The following PCLO variants were observed in gnomAD, a reference collection of about 807,000 sequenced individuals.
PCLO encodes piccolo presynaptic cytomatrix protein, also known as protein piccolo.
Under a neutral mutation model 427.5 loss-of-function variants are expected in PCLO, and 82 were observed. That is an observed-to-expected ratio of 0.19 (90% CI 0.16 to 0.23). The LOEUF (loss-of-function observed/expected upper bound fraction) is 0.23, where lower values mean the gene tolerates loss of function less well. Among genes scored for constraint, PCLO ranks in the 10% least tolerant of loss-of-function variants. The probability of loss-of-function intolerance (pLI) is 1.00; values close to 1 mark genes in which losing one functional copy is unlikely to be tolerated. For missense variants in PCLO, 6,239 were observed against 6,115.9 expected (o/e 1.02, Z -0.67); for synonymous variants, 2,357 against 2,155.4 (o/e 1.09, Z -2.59).
chr7:82,878,041 A>G (rs1437014235), intron 10 of PCLO, among the ~76,000 whole-genome samples: 1 of 152,168 alleles, frequency 6.6e-6, no homozygotes, highest in East Asian at 1.9e-4. Context: ...TCTGAAAGCA[A>G]ATAATTAAGC....
At chr7:82,872,401 T>C (rs1793258298) in intron 10 of PCLO, among the ~76,000 whole-genome samples, 1 of 151,628 alleles carries the variant, frequency 6.6e-6, no homozygotes, top group African/African-American at 2.4e-5. Flanking sequence ...AAAGCAACAA[T>C]GGGAAACCAT....
intron 3 of PCLO, among the ~76,000 whole-genome samples, chr7:83,038,087 T>TTA (rs200769328): frequency 5.6e-4 from 37 of 66,262 alleles, no homozygotes; most frequent in Non-Finnish European, 7.6e-4. Context: ...ATATATATCT[T>TTA]TATATATATA....
chr7:83,101,966 T>C (rs1176271429), intron 3 of PCLO, among the ~76,000 whole-genome samples: 1 of 152,086 alleles, frequency 6.6e-6, no homozygotes, highest in East Asian at 1.9e-4. Context: ...ACAACATGAT[T>C]TTAATCAAGC....
In PCLO at chr7:82,971,426, ATG is replaced by A. The variant is rs371024798; in HGVS notation, c.3301-4941_3301-4940del. Among the ~76,000 whole-genome samples the A allele has an allele frequency of 2.2e-3, 324 of 150,420 alleles. 3 individuals carry two copies. The highest frequency in any genetic ancestry group is 7.6e-3 in the African/African-American group (315 of 41,254). On this transcript the variant is annotated intron_variant, in intron 3 of 24. Coordinates refer to ENST00000333891, the MANE Select transcript of PCLO (RefSeq NM_033026.6). ...TATGTGTATGTGTGTGTGTATATAT[ATG>A]TGTGTGTGTGTATACATCTGTAATA...
At chr7:83,015,236 T>C (rs1175669255) in intron 3 of PCLO, among the ~76,000 whole-genome samples, 1 of 152,130 alleles carries the variant, frequency 6.6e-6, no homozygotes, top group Non-Finnish European at 1.5e-5. Flanking sequence ...TCCATGAGCC[T>C]GGTGGACATA....
intron 3 of PCLO, among the ~76,000 whole-genome samples, chr7:82,974,706 A>G (rs557787418): frequency 1.6e-4 from 25 of 152,306 alleles, no homozygotes; most frequent in Admixed American, 3.3e-4. Flanking sequence ...TATGTGCGTC[A>G]AGTTAATTTT....
At chr7:83,022,760 T>C (rs578159932) in intron 3 of PCLO, among the ~76,000 whole-genome samples, 2 of 151,386 alleles carry the variant, frequency 1.3e-5, no homozygotes, top group Non-Finnish European at 2.9e-5. Flanking sequence ...TAGAAAAGGT[T>C]ATAGCACATT....
chr7:82,837,220 G>A (rs1347417497), intron 15 of PCLO, among the ~76,000 whole-genome samples: 1 of 152,050 alleles, frequency 6.6e-6, no homozygotes. Flanking sequence ...TTAAGGGAGT[G>A]TATGAGGAAA....
chr7:82,991,948 A>C (rs1459781469), intron 3 of PCLO, among the ~76,000 whole-genome samples: 1 of 152,100 alleles, frequency 6.6e-6, no homozygotes, highest in African/African-American at 2.4e-5. Flanking sequence ...ATTACATGAC[A>C]ATCTATTAGT....
chr7:83,039,117 T>G (rs2116199787), intron 3 of PCLO, among the ~76,000 whole-genome samples: 1 of 152,186 alleles, frequency 6.6e-6, no homozygotes, highest in East Asian at 1.9e-4. Context: ...AATATACAAA[T>G]CCCTTATCAG....
intron 10 of PCLO, among the ~76,000 whole-genome samples, chr7:82,858,571 T>C (rs1792867355): frequency 6.6e-6 from 1 of 152,146 alleles, no homozygotes; most frequent in African/African-American, 2.4e-5. Context: ...TCCACCAAAA[T>C]ACTGTTATAA....
chr7:82,931,894 T>C (rs958823137), intron 6 of PCLO, among the ~76,000 whole-genome samples: 1 of 152,048 alleles, frequency 6.6e-6, no homozygotes, highest in Non-Finnish European at 1.5e-5. Context: ...AGGAACCACA[T>C]AGAAGCTGTC....
intron 16 of PCLO, among the ~76,000 whole-genome samples, chr7:82,834,535 ATG>A (rs1380232351): frequency 2.6e-5 from 4 of 152,228 alleles, no homozygotes; most frequent in Non-Finnish European, 5.9e-5. Flanking sequence ...CGTAGTAAAT[ATG>A]TGAAATTTTA....
chr7:82,954,043 C>A lies in PCLO; in HGVS notation c.6910G>T (p.Ala2304Ser). ...ATTCCATTCCCAGTTTCCTTCTTGG[C>A]TTTCTTCACTGGGTCCTTTTCAGAT... ...LISEKDPVKK[A>S]KKETGNGIIL... Residue 2304 changes from alanine (A) to serine (S), a missense_variant, in exon 5 of 25, where the codon GCC (alanine) becomes TCC (serine). Ala to Ser is a moderately conservative substitution (Grantham distance 99, BLOSUM62 1). This residue lies in a region of PCLO where 4,677 missense variants were observed against 4,468.4 expected (regional missense o/e 1.05). Transcript: ENST00000333891. 1 of 1,613,768 alleles carries A rather than the reference C, an allele frequency of 6.2e-7. No homozygotes were observed. Among genetic ancestry groups the A allele is most frequent in the Non-Finnish European group, 8.5e-7 (1 of 1,179,814 alleles).
At chr7:82,886,772 G>T (rs148519304) in intron 9 of PCLO, among the ~76,000 whole-genome samples, 1 of 152,030 alleles carries the variant, frequency 6.6e-6, no homozygotes, top group Admixed American at 6.6e-5. Context: ...ATCTGGAAGC[G>T]ACAAAAATGT....
rs1238586625 is a variant in PCLO, at chr7:82,950,385, A to T, written c.10203T>A (p.Asp3401Glu). ...GTTGTTTTTCCTCTTTCACAACAACATCTGTTAGAGGTATTTCTGAAACAG... is the reference window on the plus strand; with the variant it reads ...GTTGTTTTTCCTCTTTCACAACAACTTCTGTTAGAGGTATTTCTGAAACAG... ...LSTVSEIPLT[D>E]VVVKEEKQPK... Residue 3401 changes from aspartate (D) to glutamate (E), a missense_variant, in exon 6 of 25, where the codon GAT (aspartate) becomes GAA (glutamate). Around this residue, in one of 5 missense-constraint regions of PCLO, gnomAD observed 4,677 missense variants for 4,468.4 expected, o/e 1.05. Transcript: ENST00000333891. 1 of 1,613,760 alleles carries T rather than the reference A, an allele frequency of 6.2e-7. No individual in the cohort carries two copies. Among genetic ancestry groups the T allele is most frequent in the East Asian group, 2.2e-5 (1 of 44,840 alleles).
At chr7:83,156,619 A>AT (rs1287083160) in intron 1 of PCLO, among the ~76,000 whole-genome samples, 2 of 151,696 alleles carry the variant, frequency 1.3e-5, no homozygotes, top group Admixed American at 1.3e-4. Context: ...AGAAAAAAAA[A>AT]CTTGCTCTTA....
In PCLO at chr7:82,914,674, G is replaced by A. The variant is rs1459999829; in HGVS notation, c.13300+12C>T. On this transcript the variant is annotated intron_variant, in intron 7 of 24. Coordinates refer to ENST00000333891, the MANE Select transcript of PCLO (RefSeq NM_033026.6). ...TTTTGAGAGTAACAGGGTAGTTTGA[G>A]GCCCAATTTACCTTCACTGTCTGAC... 1 of 1,611,968 alleles carries A rather than the reference G, an allele frequency of 6.2e-7. No individual in the cohort carries two copies. The highest frequency in any genetic ancestry group is 8.5e-7 in the Non-Finnish European group (1 of 1,178,892).
At chr7:82,821,408 T>G in intron 20 of PCLO, 1 of 985,714 alleles carries the variant, frequency 1.0e-6, no homozygotes, top group Middle Eastern at 5.2e-4. Flanking sequence ...ATAGGTTGTG[T>G]TTTCAAATGC....
Sources: gnomAD v4.1 joint callset for allele counts (sites outside exome capture counted in the v4.1 genomes callset) on GRCh38, gnomAD v4.1.1 for gene constraint, gnomAD v4.1.1 regional missense constraint, MANE v1.5 for transcripts, NCBI Gene and HGNC (gene_info 2026-07-23, HGNC 2026-07-21) for gene names.